TPTE: variants seen among roughly 807,000 people sequenced by gnomAD.
The protein encoded by TPTE is putative tyrosine-protein phosphatase TPTE.
Under a neutral mutation model 84.1 loss-of-function variants are expected in TPTE, and 59 were observed. The ratio of observed to expected loss-of-function variants is 0.70; its 90% CI spans 0.57 to 0.87. TPTE has a LOEUF of 0.87. TPTE is among the 40% of genes least tolerant of loss of function. The probability of loss-of-function intolerance (pLI) is 0.00; values close to 1 mark genes in which losing one functional copy is unlikely to be tolerated. For missense variants in TPTE, 382 were observed against 659.6 expected (o/e 0.58, Z 4.61); for synonymous variants, 130 against 223.5 (o/e 0.58, Z 3.73).
At chr21:10,588,270 A>G (rs1240460611) in intron 17 of TPTE, among the ~76,000 whole-genome samples, 2 of 152,302 alleles carry the variant, frequency 1.3e-5, no homozygotes, top group Non-Finnish European at 2.9e-5. Context: ...TGAGATGATC[A>G]TGTGGTTTCT....
chr21:10,543,013 T>TG (rs2074398788), intron 6 of TPTE, among the ~76,000 whole-genome samples: 1 of 119,978 alleles, frequency 8.3e-6, no homozygotes, highest in African/African-American at 3.6e-5. Flanking sequence ...CTGACTGTAT[T>TG]CTTTTTTTTT....
intron 14 of TPTE, among the ~76,000 whole-genome samples, chr21:10,576,838 CATATAT>C (rs56285862): frequency 0.075 from 10,136 of 135,524 alleles, no homozygotes; most frequent in South Asian, 0.11. Context: ...TACATATATA[CATATAT>C]ATATATATAT....
At chr21:10,521,999 C>T (rs1443324576) in intron 1 of TPTE, among the ~76,000 whole-genome samples, 2 of 152,252 alleles carry the variant, frequency 1.3e-5, no homozygotes, top group African/African-American at 4.8e-5. Context: ...TAGCTCAGTC[C>T]CGGCCGCCGC....
At chr21:10,596,570 T>G (rs1314093287) in intron 20 of TPTE, among the ~76,000 whole-genome samples, 1 of 152,216 alleles carries the variant, frequency 6.6e-6, no homozygotes, top group Non-Finnish European at 1.5e-5. Context: ...CCCTCTCTCC[T>G]CCATCTGTAA....
chr21:10,564,322 C>CA (rs2074871517), intron 10 of TPTE, among the ~76,000 whole-genome samples: 1 of 152,206 alleles, frequency 6.6e-6, no homozygotes, highest in Non-Finnish European at 1.5e-5. Context: ...CCAGCCTGGC[C>CA]AATATGGTGA....
At chr21:10,565,757 A>G (rs2145689963) in intron 10 of TPTE, among the ~76,000 whole-genome samples, 1 of 152,312 alleles carries the variant, frequency 6.6e-6, no homozygotes, top group East Asian at 1.9e-4. Context: ...TACATTGAAC[A>G]AAAGACATCT....
At chr21:10,580,711 C>T (rs1432115514) in intron 17 of TPTE, among the ~76,000 whole-genome samples, 10 of 152,398 alleles carry the variant, frequency 6.6e-5, no homozygotes. Flanking sequence ...GTCTATATGT[C>T]TGTTTTTGTT....
chr21:10,585,067 A>T (rs1301052164), intron 17 of TPTE, among the ~76,000 whole-genome samples: 1 of 152,426 alleles, frequency 6.6e-6, no homozygotes, highest in Non-Finnish European at 1.5e-5. Flanking sequence ...CCCTGTCTCT[A>T]CTAAAAAATA....
chr21:10,522,319 C>T (rs925022464), intron 1 of TPTE, among the ~76,000 whole-genome samples: 16 of 122,660 alleles, frequency 1.3e-4, no homozygotes, highest in Admixed American at 3.1e-4. Context: ...GCTTGGGGTG[C>T]GGGGTTCCCT....
intron 21 of TPTE, among the ~76,000 whole-genome samples, chr21:10,600,963 C>T (rs1359258805): frequency 6.6e-6 from 1 of 152,308 alleles, no homozygotes; most frequent in African/African-American, 2.4e-5. Context: ...TTGGGAGGAG[C>T]ATGCTGGCCC....
chr21:10,535,373 A>T (rs1003640812), intron 3 of TPTE, among the ~76,000 whole-genome samples: 2 of 152,412 alleles, frequency 1.3e-5, no homozygotes, highest in Admixed American at 1.3e-4. Flanking sequence ...ACATAAAACA[A>T]TGAAAGAGAA....
intron 14 of TPTE, among the ~76,000 whole-genome samples, chr21:10,577,024 T>G (rs544163712): frequency 7.2e-5 from 11 of 152,376 alleles, no homozygotes; most frequent in Admixed American, 5.9e-4. Flanking sequence ...TCATACTATA[T>G]GCTTTTTGCA....
chr21:10,568,058 T>C (rs1445234642), intron 11 of TPTE, among the ~76,000 whole-genome samples: 2 of 152,310 alleles, frequency 1.3e-5, no homozygotes, highest in African/African-American at 4.8e-5. Flanking sequence ...ACTCTTGTAC[T>C]AACTTTAACT....
chr21:10,551,789 CA>C (rs1320269748), intron 7 of TPTE, among the ~76,000 whole-genome samples: 4 of 152,300 alleles, frequency 2.6e-5, no homozygotes, highest in African/African-American at 9.6e-5. Context: ...AGCAACTCTA[CA>C]ATAAATTTGA....
chr21:10,524,303 G>A (rs1600845889), intron 1 of TPTE, among the ~76,000 whole-genome samples: 1 of 152,304 alleles, frequency 6.6e-6, no homozygotes, highest in Non-Finnish European at 1.5e-5. Flanking sequence ...AGACAGGAAA[G>A]TTTGCTTATA....
At chr21:10,600,479 T>C (rs1488256747) in intron 21 of TPTE, among the ~76,000 whole-genome samples, 2 of 152,306 alleles carry the variant, frequency 1.3e-5, no homozygotes, top group Admixed American at 1.3e-4. Flanking sequence ...CTGGTCTTTT[T>C]CCCTCCATTT....
At position 10,527,058 on chromosome 21, in the gene TPTE, C is replaced by A. The variant is rs886577724; in HGVS notation, c.-101-297C>A. ...ACTTATCTACTTGTTTATTTCCTAC[C>A]AAGGATGACCGGGAACTAGCCATTG... On this transcript the variant is annotated intron_variant, in intron 2 of 23. Coordinates refer to ENST00000618007, the MANE Select transcript of TPTE (RefSeq NM_199261.4). Among the ~76,000 whole-genome samples, 6 of 152,416 alleles carry A rather than the reference C, an allele frequency of 3.9e-5. No homozygotes were observed. In the East Asian group the frequency reaches 1.2e-3, roughly 29 times the overall value.
At chr21:10,603,012 A>T (rs1978768409) in intron 22 of TPTE, among the ~76,000 whole-genome samples, 1 of 152,310 alleles carries the variant, frequency 6.6e-6, no homozygotes, top group Admixed American at 6.5e-5. Flanking sequence ...CTGTGGGGTG[A>T]GTCAAGTAGG....
intron 6 of TPTE, 95 bp downstream of exon 6, chr21:10,542,543 C>CCATT: frequency 7.5e-7 from 1 of 1,341,290 alleles, no homozygotes; most frequent in Non-Finnish European, 1.0e-6. Context: ...ATCCATCCAT[C>CCATT]CATCCATCCA....
Sources: allele counts gnomAD v4.1 joint callset (sites outside exome capture counted in the v4.1 genomes callset), GRCh38; gene constraint gnomAD v4.1.1; transcripts MANE v1.5; gene names NCBI Gene and HGNC (gene_info 2026-07-23, HGNC 2026-07-21).